ARHGAP10: variants seen among roughly 807,000 people sequenced by gnomAD.
ARHGAP10 encodes the protein rho GTPase-activating protein 10.
Under a neutral mutation model 108.6 loss-of-function variants are expected in ARHGAP10, and 87 were observed. The observed-to-expected ratio is 0.80, with a 90% CI of 0.67 to 0.96. The LOEUF is 0.96. ARHGAP10 is among the 40% of genes least tolerant of loss of function. The pLI, the probability that ARHGAP10 is intolerant of heterozygous loss-of-function variation, is 0.00. For missense variants in ARHGAP10, 939 were observed against 954.5 expected (o/e 0.98, Z 0.21); for synonymous variants, 347 against 341.1 (o/e 1.02, Z -0.19).
chr4:148,033,376 G>A (rs1269564581), intron 19 of ARHGAP10, among the ~76,000 whole-genome samples: 1 of 152,102 alleles, frequency 6.6e-6, no homozygotes, highest in African/African-American at 2.4e-5. Context: ...TGTACAGTAT[G>A]CTTTTGAATG....
rs746067284 is a variant in ARHGAP10 at position 147,966,660 on chromosome 4, T to C, written c.1557-20T>C. On this transcript the variant is annotated intron_variant, in intron 17 of 22. Transcript: ENST00000336498. ...TTGCTCCTTTGGTTAAACAGATTCC[T>C]CCCCCCTTACCAATTTCAGTGTTTC... 3 of 1,536,602 alleles carry C rather than the reference T, an allele frequency of 2.0e-6. No individual in the cohort carries two copies. Among genetic ancestry groups the C allele is most frequent in the South Asian group, 2.6e-5 (2 of 78,310 alleles).
In ARHGAP10 at chr4:147,864,903, G is replaced by C. The variant is rs1734489663; in HGVS notation, c.544G>C (p.Val182Leu). Reference sequence around the variant, plus strand: ...CTTCTATGAACTGTCTCTCGAGTATGTGTGTAAGCTGCAGGAAATCCAAGA... The same window carrying C: ...CTTCTATGAACTGTCTCTCGAGTATCTGTGTAAGCTGCAGGAAATCCAAGA... Reference protein sequence around the residue: ...QHFYELSLEYVCKLQEIQERK... With the variant: ...QHFYELSLEYLCKLQEIQERK... Residue 182 changes from valine to leucine, a missense_variant, in exon 6 of 23, where the codon GTG becomes CTG. Transcript: ENST00000336498. 6.2e-7 allele frequency: 1 copy of C among 1,614,042 alleles called. No homozygotes were observed. Among genetic ancestry groups the C allele is most frequent in the Non-Finnish European group, 8.5e-7 (1 of 1,180,016 alleles).
At chr4:147,790,474 T>C (rs1731073896) in intron 1 of ARHGAP10, among the ~76,000 whole-genome samples, 1 of 152,240 alleles carries the variant, frequency 6.6e-6, no homozygotes, top group Admixed American at 6.5e-5. Context: ...CAGTAATTAT[T>C]ATTCATACTC....
chr4:147,857,259 G>T (rs1734132002), intron 4 of ARHGAP10, among the ~76,000 whole-genome samples: 1 of 152,178 alleles, frequency 6.6e-6, no homozygotes, highest in Non-Finnish European at 1.5e-5. Flanking sequence ...TTGGTGAGGG[G>T]TGAGTGACGT....
At chr4:147,866,690 C>A in intron 6 of ARHGAP10, 22 bp from the exon 7 acceptor site, 2 of 1,564,010 alleles carry the variant, frequency 1.3e-6, no homozygotes, top group Non-Finnish European at 1.7e-6. Flanking sequence ...GTGCTAATAT[C>A]TCTTTTCTTC....
intron 3 of ARHGAP10, among the ~76,000 whole-genome samples, chr4:147,838,592 G>A (rs1733268506): frequency 6.6e-6 from 1 of 152,118 alleles, no homozygotes; most frequent in Non-Finnish European, 1.5e-5. Context: ...GGAGTGCAGT[G>A]GTGTAGTCAC....
chr4:147,888,026 C>G (rs889711594), intron 10 of ARHGAP10, among the ~76,000 whole-genome samples: 1 of 152,068 alleles, frequency 6.6e-6, no homozygotes, highest in African/African-American at 2.4e-5. Flanking sequence ...GTCTTTCCCT[C>G]GCAGCATCCC....
intron 19 of ARHGAP10, among the ~76,000 whole-genome samples, chr4:148,033,647 A>G (rs113592691): frequency 6.6e-6 from 1 of 152,180 alleles, no homozygotes. Context: ...TTAGTTTACA[A>G]ATGTTTCAGC....
intron 1 of ARHGAP10, among the ~76,000 whole-genome samples, chr4:147,738,265 T>G (rs1728498546): frequency 6.6e-6 from 1 of 152,146 alleles, no homozygotes. Context: ...AAATAGAAAT[T>G]GTAGGGCTGG....
intron 1 of ARHGAP10, among the ~76,000 whole-genome samples, chr4:147,789,874 G>A (rs150333330): frequency 6.6e-6 from 1 of 152,220 alleles, no homozygotes; most frequent in Non-Finnish European, 1.5e-5. Context: ...CAGATGATGT[G>A]TGGGAGTCTC....
At chr4:147,788,038 C>T (rs564483994) in intron 1 of ARHGAP10, among the ~76,000 whole-genome samples, 12 of 152,300 alleles carry the variant, frequency 7.9e-5, no homozygotes, top group Middle Eastern at 3.4e-3. Flanking sequence ...GATTTATCAT[C>T]GGTTCCTCTC....
chr4:147,810,065 A>G (rs371580528), intron 1 of ARHGAP10, among the ~76,000 whole-genome samples: 3 of 152,254 alleles, frequency 2.0e-5, no homozygotes, highest in Admixed American at 6.5e-5. Context: ...GAGATTTTCA[A>G]TTTCTTATAG....
chr4:147,930,201 A>G (rs1234098459), intron 13 of ARHGAP10, among the ~76,000 whole-genome samples: 1 of 152,212 alleles, frequency 6.6e-6, no homozygotes, highest in Admixed American at 6.5e-5. Flanking sequence ...GTATTTCTGT[A>G]GAATCATACG....
intron 3 of ARHGAP10, among the ~76,000 whole-genome samples, chr4:147,827,459 G>A (rs911974048): frequency 5.9e-5 from 9 of 152,212 alleles, no homozygotes; most frequent in Admixed American, 2.0e-4. Flanking sequence ...GGAGTGGGCA[G>A]CCCCTAAGCT....
chr4:147,803,808 A>G (rs1313211168), intron 1 of ARHGAP10, among the ~76,000 whole-genome samples: 1 of 152,166 alleles, frequency 6.6e-6, no homozygotes, highest in Admixed American at 6.6e-5. Context: ...ATCTATCTAT[A>G]GACCATGTTT....
intron 1 of ARHGAP10, among the ~76,000 whole-genome samples, chr4:147,766,503 C>G (rs1030105727): frequency 3.3e-5 from 5 of 151,298 alleles, no homozygotes; most frequent in African/African-American, 9.7e-5. Flanking sequence ...TCAGTTGAAT[C>G]CATGGATGCA....
intron 1 of ARHGAP10, among the ~76,000 whole-genome samples, chr4:147,781,190 C>T (rs1168681542): frequency 2.0e-5 from 3 of 152,058 alleles, no homozygotes; most frequent in African/African-American, 7.2e-5. Context: ...AACCCCGTCT[C>T]TACTAAAAAA....
chr4:147,836,190 A>G (rs1733162726), intron 3 of ARHGAP10, among the ~76,000 whole-genome samples: 1 of 152,228 alleles, frequency 6.6e-6, no homozygotes, highest in Non-Finnish European at 1.5e-5. Flanking sequence ...TTCGTAGAAG[A>G]TAGATACTAA....
Position 147,810,607 on chromosome 4 carries a change from A to G in ARHGAP10, c.155-12120A>G, listed in dbSNP as rs541050308. Among the ~76,000 whole-genome samples, 3 of 152,312 alleles carry G rather than the reference A, an allele frequency of 2.0e-5. No individual in the cohort carries two copies. The South Asian group carries it at 6.2e-4, about 32-fold the overall frequency. On this transcript the variant is annotated intron_variant, in intron 1 of 22. Coordinates refer to ENST00000336498, the MANE Select transcript of ARHGAP10 (RefSeq NM_024605.4). ...CTGAGAGATTCAGGCTCAGCTGGAG[A>G]ATGTGTTGGGCCTGAAGTAACACAA...
Sources: allele counts gnomAD v4.1 joint callset (sites outside exome capture counted in the v4.1 genomes callset), GRCh38; gene constraint gnomAD v4.1.1; transcripts MANE v1.5; gene names NCBI Gene and HGNC (gene_info 2026-07-23, HGNC 2026-07-21).